The following ASPSCR1 variants were observed in gnomAD, a reference collection of about 807,000 sequenced individuals.
The protein encoded by ASPSCR1 is tether containing UBX domain for GLUT4.
ASPSCR1 carries 55 observed loss-of-function variants against 68.9 expected under a neutral mutation model. The ratio of observed to expected loss-of-function variants is 0.80; its 90% CI spans 0.64 to 1.00. The LOEUF (loss-of-function observed/expected upper bound fraction) is 1.00, where lower values mean the gene tolerates loss of function less well. ASPSCR1 is among the 50% of genes least tolerant of loss of function. The pLI, the probability that ASPSCR1 is intolerant of heterozygous loss-of-function variation, is 0.00. For missense variants in ASPSCR1, 765 were observed against 762.2 expected (o/e 1.00, Z -0.04); for synonymous variants, 352 against 332.6 (o/e 1.06, Z -0.63).
chr17:82,000,026 C>T (rs116636257), intron 7 of ASPSCR1, among the ~76,000 whole-genome samples: 335 of 152,336 alleles, frequency 2.2e-3, no homozygotes, highest in African/African-American at 7.6e-3. Context: ...CCTCTGGGAA[C>T]TCTGCCAAAC....
chr17:82,003,474 C>T (rs1181132467), intron 7 of ASPSCR1, among the ~76,000 whole-genome samples: 2 of 152,222 alleles, frequency 1.3e-5, no homozygotes, highest in African/African-American at 4.8e-5. Context: ...TGCTTTGGGC[C>T]TTCCTTGTTG....
chr17:81,988,233 G>A (rs2042057895), intron 4 of ASPSCR1, among the ~76,000 whole-genome samples: 1 of 151,068 alleles, frequency 6.6e-6, no homozygotes, highest in Non-Finnish European at 1.5e-5. Context: ...GGCCGAGGTG[G>A]GTGGATCACC....
Position 82,010,857 on chromosome 17 carries a change from C to T in ASPSCR1, c.1226C>T (p.Pro409Leu), listed in dbSNP as rs747764370. Reference protein sequence around the residue: ...DRYVLQGFFRPSETVGDLRDF... With the variant: ...DRYVLQGFFRLSETVGDLRDF... ...TACGTCCTACAGGGCTTCTTCCGCCCCAGCGAGACAGGTGGGCAGCGCTGT... is the reference window on the plus strand; with the variant it reads ...TACGTCCTACAGGGCTTCTTCCGCCTCAGCGAGACAGGTGGGCAGCGCTGT... Residue 409 changes from proline to leucine, a missense_variant, in exon 10 of 16, where the codon CCC becomes CTC. Coordinates refer to ENST00000306739, the MANE Select transcript of ASPSCR1 (RefSeq NM_024083.4). The T allele has an allele frequency of 3.7e-6, 6 of 1,612,702 alleles. No homozygotes were observed. Among genetic ancestry groups the T allele is most frequent in the Non-Finnish European group, 3.4e-6 (4 of 1,179,912 alleles).
At chr17:82,008,809 G>GA (rs2042810483) in intron 7 of ASPSCR1, 1 of 497,886 alleles carries the variant, frequency 2.0e-6, no homozygotes, top group Admixed American at 4.0e-5. Context: ...CTGACTGGGA[G>GA]AGGGGGGTCT....
intron 11 of ASPSCR1, chr17:82,012,023 C>T (rs551445050): frequency 1.0e-5 from 7 of 684,164 alleles, no homozygotes; most frequent in African/African-American, 3.5e-5. Flanking sequence ...CGGGTGGTGT[C>T]CCCTGCAGGT....
At chr17:81,993,061 G>T (rs2042223133) in intron 4 of ASPSCR1, among the ~76,000 whole-genome samples, 1 of 152,138 alleles carries the variant, frequency 6.6e-6, no homozygotes, top group Non-Finnish European at 1.5e-5. Flanking sequence ...AAAAATAAAG[G>T]CCACGAAACA....
At position 81,983,625 on chromosome 17, in the gene ASPSCR1, A is replaced by G. The variant is rs909026522; in HGVS notation, c.230A>G (p.Glu77Gly). 1.2e-6 allele frequency: 2 copies of G among 1,613,040 alleles called. No individual in the cohort carries two copies. The highest frequency in any genetic ancestry group is 2.7e-5 in the African/African-American group (2 of 74,618). ...AACCTGCCCAACAATGCCAAGCTGG[A>G]GATGGTGCCCGCTTCCCGGAGCCGT... ...FANLPNNAKL[E>G]MVPASRSREG... Residue 77 changes from glutamate to glycine, a missense_variant, in exon 3 of 16, where the codon GAG (glutamate) becomes GGG (glycine). Transcript: ENST00000306739. This position sits in a 1 kb window ranked among gnomAD's most constrained non-coding sequence, Gnocchi z 4.4.
At chr17:81,988,310 A>G (rs1250630207) in intron 4 of ASPSCR1, among the ~76,000 whole-genome samples, 4 of 151,882 alleles carry the variant, frequency 2.6e-5, no homozygotes. Context: ...AAAATACAAA[A>G]ATTAGCTGGG....
chr17:82,012,329 G>C, intron 12 of ASPSCR1, 46 bp downstream of exon 12: 1 of 1,585,004 alleles, frequency 6.3e-7, no homozygotes, highest in Non-Finnish European at 8.7e-7. Context: ...GGCCCTCCAG[G>C]GAGGGCAGGA....
intron 4 of ASPSCR1, among the ~76,000 whole-genome samples, chr17:81,992,590 T>C (rs2042206740): frequency 6.6e-6 from 1 of 152,170 alleles, no homozygotes; most frequent in African/African-American, 2.4e-5. Flanking sequence ...CCTGGCCATC[T>C]GTGTCATGCT....
At chr17:81,982,986 T>C (rs557395519) in intron 2 of ASPSCR1, among the ~76,000 whole-genome samples, 1 of 152,094 alleles carries the variant, frequency 6.6e-6, no homozygotes, top group South Asian at 2.1e-4. Flanking sequence ...GCTTATTTTT[T>C]TGTATTTTTA....
chr17:81,983,413 G>A lies in ASPSCR1; in HGVS notation c.159-141G>A, dbSNP rs929083120. 23 of 681,642 alleles carry A rather than the reference G, an allele frequency of 3.4e-5. No individual in the cohort carries two copies. Among genetic ancestry groups the A allele is most frequent in the African/African-American group, 2.1e-4 (12 of 56,250 alleles). The allele number at this position is 681,642 out of a possible 1,614,324, so 42.2% of individuals were successfully genotyped here. Reference sequence around the variant, plus strand: ...GTGCCTCTGCAGGTCATGACGTCCCGCTGTTGGGGAGCTGCCACAGGACGT... The same window carrying A: ...GTGCCTCTGCAGGTCATGACGTCCCACTGTTGGGGAGCTGCCACAGGACGT... On this transcript the variant is annotated intron_variant, in intron 2 of 15. Coordinates refer to ENST00000306739, the MANE Select transcript of ASPSCR1 (RefSeq NM_024083.4). The surrounding 1 kb of genome is among the most constrained non-coding windows in gnomAD (Gnocchi z 4.4).
chr17:82,010,904 C>T (rs886657963), intron 10 of ASPSCR1, 36 bp downstream of exon 10: 6 of 1,602,408 alleles, frequency 3.7e-6, no homozygotes, highest in Non-Finnish European at 5.1e-6. Flanking sequence ...GGATGGGGGG[C>T]AGGGGCCCAT....
intron 11 of ASPSCR1, 54 bp from the exon 12 acceptor site, chr17:82,012,177 T>C (rs1457181282): frequency 1.3e-6 from 2 of 1,573,810 alleles, no homozygotes. Flanking sequence ...TTCGGGCGCA[T>C]GGATGGGCGA....
In ASPSCR1 at chr17:81,990,577, C is replaced by T. The variant is rs1006647116; in HGVS notation, c.375-4244C>T. ...TGTCTGAGTTTGGGATCTTCCACGC[C>T]GAGCTCTGGGGGACACTGCTCTCTG... On this transcript the variant is annotated intron_variant, in intron 4 of 15. Transcript: ENST00000306739. The surrounding 1 kb of genome is among the most constrained non-coding windows in gnomAD (Gnocchi z 4.1). Among the ~76,000 whole-genome samples the T allele has an allele frequency of 6.6e-6, 1 of 151,648 alleles. No homozygotes were observed. Among genetic ancestry groups the T allele is most frequent in the Non-Finnish European group, 1.5e-5 (1 of 67,982 alleles).
intron 15 of ASPSCR1, 77 bp downstream of exon 15, chr17:82,017,190 G>T: frequency 6.3e-7 from 1 of 1,578,176 alleles, no homozygotes; most frequent in Non-Finnish European, 8.6e-7. Context: ...CAGGGTCAGT[G>T]GGCTGGGGGG....
At chr17:81,991,526 G>C (rs762873899) in intron 4 of ASPSCR1, among the ~76,000 whole-genome samples, 3 of 152,148 alleles carry the variant, frequency 2.0e-5, no homozygotes, top group Non-Finnish European at 4.4e-5. Flanking sequence ...TGCTGGGCCA[G>C]CTCAGAGCTC....
intron 4 of ASPSCR1, 109 bp from the exon 5 acceptor site, chr17:81,994,712 C>A: frequency 8.8e-7 from 1 of 1,134,676 alleles, no homozygotes; most frequent in Non-Finnish European, 1.3e-6. Context: ...TGGGTGGGTG[C>A]TGGGTGAGGG....
chr17:82,012,041 C>T (rs2042966242), intron 11 of ASPSCR1, 190 bp from the exon 12 acceptor site: 2 of 734,476 alleles, frequency 2.7e-6, no homozygotes, highest in Admixed American at 4.1e-5. Flanking sequence ...GGTGGGCCTG[C>T]CCCCCACCGG....
Sources: gnomAD v4.1 joint callset for allele counts (sites outside exome capture counted in the v4.1 genomes callset) on GRCh38, gnomAD v4.1.1 for gene constraint, Gnocchi (gnomAD v3.1) non-coding constraint, MANE v1.5 for transcripts, NCBI Gene and HGNC (gene_info 2026-07-23, HGNC 2026-07-21) for gene names.